The following PTPRK variants were observed in gnomAD, a reference collection of about 807,000 sequenced individuals.
PTPRK encodes protein tyrosine phosphatase receptor type K.
A neutral mutation model predicts 178.0 loss-of-function variants in PTPRK; 75 were observed. The ratio of observed to expected loss-of-function variants is 0.42; its 90% CI spans 0.35 to 0.51. The LOEUF (loss-of-function observed/expected upper bound fraction) is 0.51, where lower values mean the gene tolerates loss of function less well. Among genes scored for constraint, PTPRK ranks in the 20% least tolerant of loss-of-function variants. The probability of loss-of-function intolerance (pLI) is 0.02; values close to 1 mark genes in which losing one functional copy is unlikely to be tolerated. For synonymous variants in PTPRK, 637 were observed against 620.6 expected, an observed-to-expected ratio of 1.03 and a Z score of -0.39; for missense variants, 1,441 against 1,797.8, an observed-to-expected ratio of 0.80 and a Z score of 3.59.
chr6:128,438,641 A>G (rs1054111646), intron 1 of PTPRK, among the ~76,000 whole-genome samples: 5 of 152,228 alleles, frequency 3.3e-5, no homozygotes, highest in Non-Finnish European at 7.3e-5. Context: ...GTATCAACTT[A>G]CAAAAAGATA....
chr6:128,312,712 AG>A (rs1470184233), intron 3 of PTPRK, among the ~76,000 whole-genome samples: 1 of 152,128 alleles, frequency 6.6e-6, no homozygotes, highest in African/African-American at 2.4e-5. Flanking sequence ...CAATTGTCTT[AG>A]TGGACTTTAT....
intron 11 of PTPRK, among the ~76,000 whole-genome samples, chr6:128,075,881 T>C (rs1783726401): frequency 6.6e-6 from 1 of 151,986 alleles, no homozygotes; most frequent in Non-Finnish European, 1.5e-5. Context: ...AAATGCAAAA[T>C]GGCAGAGGCT....
At chr6:128,018,725 A>G (rs1465424254) in intron 13 of PTPRK, among the ~76,000 whole-genome samples, 6 of 152,106 alleles carry the variant, frequency 3.9e-5, no homozygotes, top group Non-Finnish European at 7.4e-5. Context: ...GAATGTATAA[A>G]CAGATTCGAA....
chr6:128,176,203 T>C (rs867055384), intron 7 of PTPRK, among the ~76,000 whole-genome samples: 1 of 151,900 alleles, frequency 6.6e-6, no homozygotes, highest in Non-Finnish European at 1.5e-5. Context: ...CAAAAGGTAT[T>C]ATAGGTTCAT....
At chr6:127,999,890 G>A (rs765846969) in intron 15 of PTPRK, 29 of 816,464 alleles carry the variant, frequency 3.6e-5, no homozygotes, top group Admixed American at 6.2e-5. Context: ...ACAATTAAGC[G>A]TAAGTCCCTT....
At chr6:128,381,700 T>C (rs571642121) in intron 2 of PTPRK, among the ~76,000 whole-genome samples, 29 of 152,306 alleles carry the variant, frequency 1.9e-4, no homozygotes, top group African/African-American at 7.0e-4. Context: ...TTATTATTCC[T>C]AATTTACTGA....
At chr6:127,984,957 C>T (rs1775773090) in intron 22 of PTPRK, among the ~76,000 whole-genome samples, 1 of 151,978 alleles carries the variant, frequency 6.6e-6, no homozygotes, top group Admixed American at 6.6e-5. Context: ...TATTTAAATC[C>T]TGAATAGGTT....
intron 13 of PTPRK, among the ~76,000 whole-genome samples, chr6:128,050,132 G>A (rs953153228): frequency 4.9e-5 from 7 of 141,940 alleles, no homozygotes; most frequent in Non-Finnish European, 7.4e-5. Context: ...GTGAAATTCC[G>A]CCTCAAGAAA....
At chr6:128,498,436 C>T (rs1189988279) in intron 1 of PTPRK, among the ~76,000 whole-genome samples, 3 of 152,222 alleles carry the variant, frequency 2.0e-5, no homozygotes, top group African/African-American at 7.2e-5. Flanking sequence ...ATAAACAGCA[C>T]TTGGCAAAGA....
chr6:128,107,229 A>G (rs976174043), intron 7 of PTPRK, among the ~76,000 whole-genome samples: 1 of 152,048 alleles, frequency 6.6e-6, no homozygotes, highest in Non-Finnish European at 1.5e-5. Flanking sequence ...GTTTGTTTTT[A>G]GAAGAAATTT....
intron 3 of PTPRK, among the ~76,000 whole-genome samples, chr6:128,302,126 C>G (rs922336256): frequency 6.6e-6 from 1 of 152,040 alleles, no homozygotes; most frequent in Non-Finnish European, 1.5e-5. Context: ...AGGTGGCTCA[C>G]GCCTGTAATC....
chr6:128,308,561 G>A (rs1826787333), intron 3 of PTPRK, among the ~76,000 whole-genome samples: 1 of 152,080 alleles, frequency 6.6e-6, no homozygotes, highest in African/African-American at 2.4e-5. Flanking sequence ...TCTAAGGAAG[G>A]AAGGAGAGTC....
intron 7 of PTPRK, among the ~76,000 whole-genome samples, chr6:128,095,593 AG>A (rs1229033534): frequency 1.3e-5 from 2 of 152,180 alleles, no homozygotes; most frequent in Non-Finnish European, 2.9e-5. Context: ...CCCATCAATC[AG>A]GGAGTTCAGA....
chr6:128,238,255 A>T (rs74576664), intron 5 of PTPRK: 9,795 of 386,538 alleles, frequency 0.025, 192 homozygotes, highest in Middle Eastern at 0.066. Context: ...TAGAAGTTTC[A>T]TAGAATATTT....
intron 3 of PTPRK, among the ~76,000 whole-genome samples, chr6:128,273,794 C>T (rs1380888525): frequency 2.6e-5 from 4 of 152,086 alleles, no homozygotes; most frequent in Admixed American, 1.3e-4. Flanking sequence ...GCATAAGTCG[C>T]AATTTATCAC....
chr6:128,462,629 A>T (rs562431016), intron 1 of PTPRK, among the ~76,000 whole-genome samples: 1,570 of 72,316 alleles, frequency 0.022, 38 homozygotes, highest in African/African-American at 0.099. Flanking sequence ...GGTATATTTT[A>T]TTTATTTATT....
chr6:128,370,835 T>C (rs886313296), intron 2 of PTPRK, among the ~76,000 whole-genome samples: 1 of 152,198 alleles, frequency 6.6e-6, no homozygotes, highest in African/African-American at 2.4e-5. Flanking sequence ...CAAATCTATT[T>C]GCCTTGCAAA....
intron 2 of PTPRK, among the ~76,000 whole-genome samples, chr6:128,370,208 C>T (rs7748155): frequency 0.74 from 113,076 of 152,030 alleles, 43,882 homozygotes; most frequent in East Asian, 0.99. Context: ...GTAGTACTTG[C>T]CTTCCACCCA....
intron 2 of PTPRK, among the ~76,000 whole-genome samples, chr6:128,346,816 A>G (rs1340739612): frequency 6.6e-6 from 1 of 152,160 alleles, no homozygotes; most frequent in African/African-American, 2.4e-5. Flanking sequence ...GGAAAACATC[A>G]GCAAAGCACT....
Sources: gnomAD v4.1 joint callset for allele counts (sites outside exome capture counted in the v4.1 genomes callset) on GRCh38, gnomAD v4.1.1 for gene constraint, MANE v1.5 for transcripts, NCBI Gene and HGNC (gene_info 2026-07-23, HGNC 2026-07-21) for gene names.